RBFOX1: variants seen among roughly 807,000 people sequenced by gnomAD.
The protein encoded by RBFOX1 is RNA binding protein fox-1 homolog 1.
In RBFOX1, 8 loss-of-function variants were observed where a neutral mutation model predicts 57.7. That is an observed-to-expected ratio of 0.14 (90% CI 0.08 to 0.25). RBFOX1 has a LOEUF of 0.25. RBFOX1 is among the 10% of genes least tolerant of loss of function. RBFOX1 has a pLI of 1.00. For missense variants in RBFOX1, 611 were observed against 548.5 expected, an observed-to-expected ratio of 1.11 and a Z score of -1.14; for synonymous variants, 326 against 222.4, an observed-to-expected ratio of 1.47 and a Z score of -4.15.
chr16:5,405,210 C>T (rs2066832290), intron 1 of RBFOX1, among the ~76,000 whole-genome samples: 1 of 152,128 alleles, frequency 6.6e-6, no homozygotes, highest in South Asian at 2.1e-4. Flanking sequence ...CCATGCGCTT[C>T]CTTGGTGACA....
chr16:5,546,083 AAAT>A (rs1285918270), intron 2 of RBFOX1, among the ~76,000 whole-genome samples: 1 of 152,190 alleles, frequency 6.6e-6, no homozygotes, highest in African/African-American at 2.4e-5. Flanking sequence ...CTATCAAATG[AAAT>A]AATAAGGAAT....
chr16:7,452,194 A>G (rs1399330890), intron 4 of RBFOX1, among the ~76,000 whole-genome samples: 2 of 152,246 alleles, frequency 1.3e-5, no homozygotes, highest in Non-Finnish European at 2.9e-5. Flanking sequence ...ACGCATATAA[A>G]TAACAATATG....
At chr16:5,394,754 G>A (rs1212807501) in intron 1 of RBFOX1, among the ~76,000 whole-genome samples, 1 of 152,048 alleles carries the variant, frequency 6.6e-6, no homozygotes, top group Non-Finnish European at 1.5e-5. Context: ...TCACCATGTT[G>A]TCCAGGCTGG....
At chr16:7,576,901 G>A (rs181442913) in intron 5 of RBFOX1, among the ~76,000 whole-genome samples, 136 of 152,282 alleles carry the variant, frequency 8.9e-4, no homozygotes, top group African/African-American at 3.1e-3. Flanking sequence ...TTCAGCTACA[G>A]CATCTGTAAA....
intron 2 of RBFOX1, among the ~76,000 whole-genome samples, chr16:6,482,642 C>T (rs2095389646): frequency 6.6e-6 from 1 of 152,080 alleles, no homozygotes; most frequent in Non-Finnish European, 1.5e-5. Flanking sequence ...TCATTTAGTA[C>T]GTAACGTGGA....
At chr16:5,308,863 C>G (rs1409323617) in intron 1 of RBFOX1, among the ~76,000 whole-genome samples, 2 of 152,064 alleles carry the variant, frequency 1.3e-5, no homozygotes, top group Non-Finnish European at 1.5e-5. Flanking sequence ...TTGCACGGCA[C>G]CGCTGTTGTC....
At chr16:6,802,169 G>A (rs1453764934) in intron 3 of RBFOX1, among the ~76,000 whole-genome samples, 1 of 150,824 alleles carries the variant, frequency 6.6e-6, no homozygotes, top group African/African-American at 2.5e-5. Context: ...ACAATTCTGG[G>A]TGGGCTTTGG....
chr16:7,606,068 C>T (rs1004611898), intron 9 of RBFOX1, among the ~76,000 whole-genome samples: 2 of 151,400 alleles, frequency 1.3e-5, no homozygotes, highest in African/African-American at 4.9e-5. Flanking sequence ...GCCTTGGCCT[C>T]TCAAAGTGGT....
At chr16:7,685,057 C>T (rs1598045457) in intron 14 of RBFOX1, among the ~76,000 whole-genome samples, 1 of 152,046 alleles carries the variant, frequency 6.6e-6, no homozygotes, top group South Asian at 2.1e-4. Context: ...CCATTGGGCT[C>T]ACCAGGAGCC....
At chr16:5,479,258 G>A (rs148713614) in intron 2 of RBFOX1, among the ~76,000 whole-genome samples, 2 of 152,008 alleles carry the variant, frequency 1.3e-5, no homozygotes, top group Non-Finnish European at 2.9e-5. Context: ...AAGCCTTGTT[G>A]CCAATCAGAT....
chr16:6,776,857 G>T (rs369749486), intron 3 of RBFOX1, among the ~76,000 whole-genome samples: 26 of 152,302 alleles, frequency 1.7e-4, no homozygotes, highest in African/African-American at 5.8e-4. Flanking sequence ...TCGTAGCATT[G>T]TGAAATGAAC....
intron 2 of RBFOX1, among the ~76,000 whole-genome samples, chr16:6,551,050 G>C (rs1268198212): frequency 6.6e-6 from 1 of 152,122 alleles, no homozygotes; most frequent in Non-Finnish European, 1.5e-5. Context: ...TTTCTCTTGG[G>C]GGCCCCAGGA....
chr16:6,286,263 T>G (rs569374761), intron 1 of RBFOX1, among the ~76,000 whole-genome samples: 1 of 152,338 alleles, frequency 6.6e-6, no homozygotes, highest in South Asian at 2.1e-4. Context: ...CAAGTCTCCA[T>G]GTGTCTTAAA....
chr16:7,224,835 T>C (rs1308392232), intron 4 of RBFOX1, among the ~76,000 whole-genome samples: 3 of 152,166 alleles, frequency 2.0e-5, no homozygotes, highest in Non-Finnish European at 4.4e-5. Context: ...CAGACTGTTA[T>C]GTTCCAGACA....
At chr16:5,395,719 C>A (rs1008396947) in intron 1 of RBFOX1, among the ~76,000 whole-genome samples, 2 of 152,164 alleles carry the variant, frequency 1.3e-5, no homozygotes, top group African/African-American at 4.8e-5. Context: ...TGTTGCACCT[C>A]TGATTATGTT....
chr16:5,989,881 C>CACACA (rs1596355221), intron 4 of RBFOX1, among the ~76,000 whole-genome samples: 7 of 35,524 alleles, frequency 2.0e-4, no homozygotes, highest in East Asian at 8.2e-4. Context: ...CACACACACA[C>CACACA]CACCCCTGTT....
intron 1 of RBFOX1, among the ~76,000 whole-genome samples, chr16:5,430,883 A>G (rs2067712808): frequency 1.3e-5 from 2 of 152,370 alleles, no homozygotes; most frequent in Admixed American, 6.5e-5. Flanking sequence ...GCCCTGGTAT[A>G]AAGGAGAAAT....
intron 4 of RBFOX1, among the ~76,000 whole-genome samples, chr16:5,961,196 T>A (rs923513772): frequency 6.6e-6 from 1 of 152,262 alleles, no homozygotes; most frequent in African/African-American, 2.4e-5. Flanking sequence ...CATATTCTAT[T>A]CTATTTTATT....
intron 3 of RBFOX1, among the ~76,000 whole-genome samples, chr16:6,932,512 C>G (rs1241207367): frequency 6.6e-6 from 1 of 152,154 alleles, no homozygotes; most frequent in Non-Finnish European, 1.5e-5. Context: ...TGGATTACAT[C>G]CTTAGGAGGA....
Sources: gnomAD v4.1 joint callset for allele counts (sites outside exome capture counted in the v4.1 genomes callset) on GRCh38, gnomAD v4.1.1 for gene constraint, MANE v1.5 for transcripts, NCBI Gene and HGNC (gene_info 2026-07-23, HGNC 2026-07-21) for gene names.